STXBP5: variants seen among roughly 807,000 people sequenced by gnomAD.
STXBP5 encodes syntaxin-binding protein 5.
Under a neutral mutation model 152.4 loss-of-function variants are expected in STXBP5, and 50 were observed. That is an observed-to-expected ratio of 0.33 (90% CI 0.26 to 0.42). STXBP5 has a LOEUF of 0.42. Ranked by LOEUF, STXBP5 falls within the 10% of genes least tolerant of loss-of-function variation. The pLI is 1.00. For missense variants in STXBP5, 1,167 were observed against 1,388.6 expected, an observed-to-expected ratio of 0.84 and a Z score of 2.54; for synonymous variants, 492 against 494.7, an observed-to-expected ratio of 0.99 and a Z score of 0.07.
intron 23 of STXBP5, among the ~76,000 whole-genome samples, chr6:147,359,926 C>A (rs1361709663): frequency 6.6e-6 from 1 of 151,974 alleles, no homozygotes; most frequent in Non-Finnish European, 1.5e-5. Flanking sequence ...CCAGAATCTA[C>A]AATGAACTCA....
At chr6:147,377,595 G>T (rs1350542705) in intron 26 of STXBP5, among the ~76,000 whole-genome samples, 5 of 152,116 alleles carry the variant, frequency 3.3e-5, no homozygotes, top group Non-Finnish European at 7.4e-5. Context: ...GTTGTTTGGG[G>T]GCCCTATTCC....
intron 4 of STXBP5, among the ~76,000 whole-genome samples, chr6:147,256,523 C>T (rs146854743): frequency 0.011 from 1,744 of 152,224 alleles, 18 homozygotes; most frequent in Non-Finnish European, 0.017. Flanking sequence ...CAAAATGTCA[C>T]TGAATATGGT....
intron 18 of STXBP5, among the ~76,000 whole-genome samples, chr6:147,331,047 C>T (rs564444526): frequency 3.3e-5 from 5 of 152,280 alleles, no homozygotes; most frequent in Admixed American, 2.0e-4. Context: ...CTCAATTAAA[C>T]CATGGTACTG....
At chr6:147,282,242 T>C (rs1167189773) in intron 8 of STXBP5, among the ~76,000 whole-genome samples, 4 of 152,236 alleles carry the variant, frequency 2.6e-5, no homozygotes, top group Non-Finnish European at 4.4e-5. Context: ...AGGTATGTCA[T>C]AGTGAAAGAA....
At chr6:147,289,255 A>G (rs1027209947) in intron 8 of STXBP5, among the ~76,000 whole-genome samples, 4 of 152,160 alleles carry the variant, frequency 2.6e-5, no homozygotes, top group Non-Finnish European at 4.4e-5. Flanking sequence ...CTACCTACCT[A>G]TGATATTCAC....
At chr6:147,381,497 C>T (rs9497764) in intron 26 of STXBP5, among the ~76,000 whole-genome samples, 26 of 152,180 alleles carry the variant, frequency 1.7e-4, no homozygotes, top group African/African-American at 6.0e-4. Context: ...ATTAAACATA[C>T]AGTTATCACA....
intron 8 of STXBP5, among the ~76,000 whole-genome samples, chr6:147,286,584 A>C (rs976876786): frequency 3.3e-5 from 5 of 152,186 alleles, no homozygotes; most frequent in African/African-American, 1.2e-4. Flanking sequence ...TATTAAGAGG[A>C]AAATGTCTTC....
At chr6:147,225,394 T>C (rs943240760) in intron 2 of STXBP5, among the ~76,000 whole-genome samples, 1 of 152,186 alleles carries the variant, frequency 6.6e-6, no homozygotes, top group African/African-American at 2.4e-5. Context: ...AGTTCTCCAG[T>C]TGCTTTCTAT....
intron 21 of STXBP5, among the ~76,000 whole-genome samples, chr6:147,343,687 A>G (rs1784191750): frequency 1.3e-5 from 2 of 152,198 alleles, no homozygotes; most frequent in Admixed American, 1.3e-4. Flanking sequence ...TGTATCTACA[A>G]GTTAAAAAAT....
In STXBP5 at chr6:147,364,091, A is replaced by G. The variant is rs1160848757; in HGVS notation, c.3006A>G (p.Gly1002=). 5 of 1,613,920 alleles carry G rather than the reference A, an allele frequency of 3.1e-6. No homozygotes were observed. The highest frequency in any genetic ancestry group is 1.1e-5 in the South Asian group (1 of 91,078). ...IARTFCFTNN[G]QALYLVSPTE... ...GAACGTTCTGCTTTACCAACAATGG[A>G]CAAGCATTATACCTTGTTTCACCTA... The change falls in exon 25 of 28, where the codon GGA becomes GGG. Residue 1002 remains glycine (G), a synonymous_variant. Transcript: ENST00000321680.
intron 4 of STXBP5, among the ~76,000 whole-genome samples, chr6:147,260,337 G>A (rs1780040758): frequency 6.6e-6 from 1 of 152,094 alleles, no homozygotes; most frequent in African/African-American, 2.4e-5. Context: ...GTATGCCCAA[G>A]GTTACGCAGT....
chr6:147,385,483 A>G lies in STXBP5; in HGVS notation c.*728A>G, dbSNP rs1198728983. 1 of 151,996 alleles carries G rather than the reference A, an allele frequency of 6.6e-6. No individual in the cohort carries two copies. The highest frequency in any genetic ancestry group is 1.5e-5 in the Non-Finnish European group (1 of 67,978). 9.4% of individuals were successfully genotyped at this position (151,996 alleles called of 1,614,324 possible). A position where few individuals can be genotyped will look rare whatever the true frequency, so the allele number is the denominator to read the frequency against. On this transcript the variant is annotated 3_prime_UTR_variant, in exon 28 of 28. Coordinates refer to ENST00000321680, the MANE Select transcript of STXBP5 (RefSeq NM_001127715.4). ...AGTGTAGAGCATGACTGAATTGCTC[A>G]TCATTCTGGGAGTTTCCATGTAGTG...
chr6:147,351,678 G>A (rs938016329), intron 21 of STXBP5, among the ~76,000 whole-genome samples: 1 of 152,122 alleles, frequency 6.6e-6, no homozygotes, highest in Admixed American at 6.6e-5. Flanking sequence ...TGAAAATGGG[G>A]TGACTTTTAT....
chr6:147,348,582 A>G (rs1784445478), intron 21 of STXBP5, among the ~76,000 whole-genome samples: 1 of 152,138 alleles, frequency 6.6e-6, no homozygotes, highest in Non-Finnish European at 1.5e-5. Context: ...TTTCATCTAA[A>G]CAGTTTTTGT....
chr6:147,349,212 C>T (rs1784481709), intron 21 of STXBP5, among the ~76,000 whole-genome samples: 1 of 151,816 alleles, frequency 6.6e-6, no homozygotes, highest in African/African-American at 2.4e-5. Context: ...AAAAAACATC[C>T]TGAGTTTAAG....
chr6:147,255,758 C>G (rs1779328883), intron 4 of STXBP5, among the ~76,000 whole-genome samples: 1 of 152,142 alleles, frequency 6.6e-6, no homozygotes, highest in Non-Finnish European at 1.5e-5. Flanking sequence ...AAGTGATCCT[C>G]CAGCCTTGGC....
intron 9 of STXBP5, among the ~76,000 whole-genome samples, chr6:147,296,583 A>G (rs1250758476): frequency 6.6e-6 from 1 of 152,232 alleles, no homozygotes; most frequent in East Asian, 1.9e-4. Context: ...AAGCAAGGAA[A>G]CATGACATCC....
chr6:147,344,669 A>G (rs1234604096), intron 21 of STXBP5, among the ~76,000 whole-genome samples: 1 of 152,162 alleles, frequency 6.6e-6, no homozygotes, highest in African/African-American at 2.4e-5. Flanking sequence ...ATCAAATTGG[A>G]TTAGGGCTCA....
chr6:147,254,057 A>G (rs1429584990), intron 4 of STXBP5, among the ~76,000 whole-genome samples: 2 of 152,136 alleles, frequency 1.3e-5, no homozygotes, highest in Non-Finnish European at 1.5e-5. Context: ...CAAGGCTAGA[A>G]TAGAACCAAA....
Sources: allele counts gnomAD v4.1 joint callset (sites outside exome capture counted in the v4.1 genomes callset), GRCh38; gene constraint gnomAD v4.1.1; transcripts MANE v1.5; gene names NCBI Gene and HGNC (gene_info 2026-07-23, HGNC 2026-07-21).